Variants in GALNT15 observed in about 807,000 individuals in gnomAD.
GALNT15 encodes polypeptide N-acetylgalactosaminyltransferase 15.
Under a neutral mutation model 66.8 loss-of-function variants are expected in GALNT15, and 67 were observed. The ratio of observed to expected loss-of-function variants is 1.00; its 90% CI spans 0.82 to 1.23. The LOEUF is 1.23. GALNT15 is among the 50% of genes most tolerant of loss of function. The probability of loss-of-function intolerance (pLI) is 0.00; values close to 1 mark genes in which losing one functional copy is unlikely to be tolerated. For missense variants in GALNT15, 827 were observed against 804.3 expected (o/e 1.03, Z -0.34); for synonymous variants, 313 against 311.5 (o/e 1.00, Z -0.05).
In GALNT15 at chr3:16,211,245, T is replaced by A. The variant is rs1255640955; in HGVS notation, c.1197+4T>A. Reference sequence around the variant, plus strand: ...AAACCTCGAACTGTCTTTCAAGGTATGTCCTGGACCAAGGGAGGACAGAGG... The same window carrying A: ...AAACCTCGAACTGTCTTTCAAGGTAAGTCCTGGACCAAGGGAGGACAGAGG... On this transcript the variant is annotated splice_donor_region_variant and intron_variant, in intron 5 of 9. Coordinates refer to ENST00000339732, the MANE Select transcript of GALNT15 (RefSeq NM_054110.5). The surrounding 1 kb of genome is among the most constrained non-coding windows in gnomAD (Gnocchi z 4.3). The A allele has an allele frequency of 6.3e-7, 1 of 1,583,048 alleles. No homozygotes were observed. Among genetic ancestry groups the A allele is most frequent in the Non-Finnish European group, 8.7e-7 (1 of 1,151,692 alleles).
chr3:16,213,666 A>T (rs573321503), intron 6 of GALNT15, among the ~76,000 whole-genome samples: 2 of 152,288 alleles, frequency 1.3e-5, no homozygotes, highest in African/African-American at 4.8e-5. Flanking sequence ...CAAGATTCCC[A>T]GGACCCACAA....
At chr3:16,177,267 GA>G (rs1280583138) in intron 1 of GALNT15, among the ~76,000 whole-genome samples, 3 of 152,244 alleles carry the variant, frequency 2.0e-5, no homozygotes, top group Non-Finnish European at 2.9e-5. Context: ...CCTGGAGCAA[GA>G]GTGAGCATCC....
chr3:16,195,934 C>T lies in GALNT15; in HGVS notation c.706+8C>T, dbSNP rs200199776. On this transcript the variant is annotated splice_region_variant and intron_variant, in intron 2 of 9. Transcript: ENST00000339732. This position sits in a 1 kb window ranked among gnomAD's most constrained non-coding sequence, Gnocchi z 4.6. ...ACGACCTCAGCCAGCAAGGTAGCCA[C>T]GGCTTTCCTCCAGGCTCGTCTGGGT... 17 of 1,613,724 alleles carry T rather than the reference C, an allele frequency of 1.1e-5. No homozygotes were observed. Among genetic ancestry groups the T allele is most frequent in the South Asian group, 7.7e-5 (7 of 91,018 alleles).
chr3:16,213,887 CT>C (rs2063845192), intron 6 of GALNT15, among the ~76,000 whole-genome samples: 1 of 152,226 alleles, frequency 6.6e-6, no homozygotes, highest in Non-Finnish European at 1.5e-5. Context: ...CCTCCCCATT[CT>C]AGATCCAATC....
Position 16,228,412 on chromosome 3 carries a change from G to C in GALNT15, c.*912G>C, listed in dbSNP as rs2064045865. ...TTCCAGCACTTTGGGAGGCAGAGTT[G>C]GGAGGATCACCTGATGTCAGGGGTT... On this transcript the variant is annotated 3_prime_UTR_variant, in exon 10 of 10. Transcript: ENST00000339732. 3 of 871,362 alleles carry C rather than the reference G, an allele frequency of 3.4e-6. No homozygotes were observed. Among genetic ancestry groups the C allele is most frequent in the Non-Finnish European group, 4.1e-6 (3 of 725,806 alleles). The allele number at this position is 871,362 out of a possible 1,614,324, so 54.0% of individuals were successfully genotyped here.
chr3:16,210,109 A>C (rs2063797328), intron 4 of GALNT15, among the ~76,000 whole-genome samples: 1 of 152,184 alleles, frequency 6.6e-6, no homozygotes, highest in South Asian at 2.1e-4. Context: ...TAACATCAAA[A>C]TCCAGTGAGC....
At chr3:16,238,022 G>A in the GALNT15 span, among the ~76,000 whole-genome samples, 1 of 151,832 alleles carries the variant, frequency 6.6e-6, no homozygotes, top group Non-Finnish European at 1.5e-5. This position sits in a 1 kb window ranked among gnomAD's most constrained non-coding sequence, Gnocchi z 4.8. Flanking sequence ...CTTTAAGGTG[G>A]CTCTTTTCCC....
At chr3:16,210,048 A>T (rs148549152) in intron 4 of GALNT15, among the ~76,000 whole-genome samples, 1 of 152,354 alleles carries the variant, frequency 6.6e-6, no homozygotes, top group East Asian at 1.9e-4. Context: ...AAAATTCTGC[A>T]TTAAAAAGCA....
chr3:16,196,872 G>A (rs114994384), intron 2 of GALNT15, among the ~76,000 whole-genome samples: 66 of 152,252 alleles, frequency 4.3e-4, no homozygotes, highest in African/African-American at 1.5e-3. Context: ...GAGCATTCAC[G>A]TTTTTCTAAG....
At position 16,211,383 on chromosome 3, in the gene GALNT15, C is replaced by G. The variant is rs995891655; in HGVS notation, c.1197+142C>G. 8.3e-6 allele frequency: 5 copies of G among 601,092 alleles called. No homozygotes were observed. The highest frequency in any genetic ancestry group is 1.5e-5 in the Non-Finnish European group (5 of 334,822). 37.2% of individuals were successfully genotyped at this position (601,092 alleles called of 1,614,324 possible). A position where few individuals can be genotyped will look rare whatever the true frequency, so the allele number is the denominator to read the frequency against. ...ATAAAGTCATTCCTGTGTTGTGTGT[C>G]AAACCTCCCATTTCTCACAGTTTCC... is the stretch of plus-strand genomic sequence containing the variant. On this transcript the variant is annotated intron_variant, in intron 5 of 9. Transcript: ENST00000339732. The surrounding 1 kb of genome is among the most constrained non-coding windows in gnomAD (Gnocchi z 4.3).
rs1394691329 is a variant in GALNT15, at chr3:16,195,087, C to T, written c.540-673C>T. The stretch of plus-strand genomic sequence containing the variant: ...AAATAAAGAAAATAGTGTCCCTGAC[C>T]TTGAATGGATGACAGAGATTACTGG... On this transcript the variant is annotated intron_variant, in intron 1 of 9. Coordinates refer to ENST00000339732, the MANE Select transcript of GALNT15 (RefSeq NM_054110.5). The surrounding 1 kb of genome is among the most constrained non-coding windows in gnomAD (Gnocchi z 4.6). 1.3e-5 allele frequency among the ~76,000 whole-genome samples: 2 copies of T among 152,182 alleles called. No individual in the cohort carries two copies. Among genetic ancestry groups the T allele is most frequent in the African/African-American group, 4.8e-5 (2 of 41,440 alleles).
chr3:16,242,924 G>A, the GALNT15 span, among the ~76,000 whole-genome samples: 4 of 152,164 alleles, frequency 2.6e-5, no homozygotes, highest in African/African-American at 9.7e-5. This position sits in a 1 kb window ranked among gnomAD's most constrained non-coding sequence, Gnocchi z 5.6. Flanking sequence ...GGTGATCCCA[G>A]GAAGCAGGAG....
rs1488234866 is a variant in GALNT15 at position 16,183,686 on chromosome 3, G to A, written c.539+7996G>A. ...GGCTGAGATAGAGAAGCCTATCCGA[G>A]TGGGGCGCCTCCACTGATTTGATAG... On this transcript the variant is annotated intron_variant, in intron 1 of 9. Coordinates refer to ENST00000339732, the MANE Select transcript of GALNT15 (RefSeq NM_054110.5). The surrounding 1 kb of genome is among the most constrained non-coding windows in gnomAD (Gnocchi z 5.2). Among the ~76,000 whole-genome samples, 5 of 152,148 alleles carry A rather than the reference G, an allele frequency of 3.3e-5. No individual in the cohort carries two copies. Among genetic ancestry groups the A allele is most frequent in the Admixed American group, 6.5e-5 (1 of 15,280 alleles).
intron 8 of GALNT15, among the ~76,000 whole-genome samples, chr3:16,222,368 AAC>A (rs1419371642): frequency 2.0e-5 from 3 of 152,204 alleles, no homozygotes; most frequent in African/African-American, 7.2e-5. Flanking sequence ...TAAATAACGT[AAC>A]AGAGAAACAT....
the GALNT15 span, among the ~76,000 whole-genome samples, chr3:16,241,652 G>A: frequency 2.0e-4 from 31 of 152,104 alleles, no homozygotes; most frequent in East Asian, 5.8e-4. The surrounding 1 kb of genome is among the most constrained non-coding windows in gnomAD (Gnocchi z 4.6). Flanking sequence ...GGGTTCAAGC[G>A]ATTCTGCCGC....
chr3:16,207,415 G>C (rs2063767789), intron 3 of GALNT15, among the ~76,000 whole-genome samples: 1 of 146,590 alleles, frequency 6.8e-6, no homozygotes, highest in Non-Finnish European at 1.5e-5. Context: ...CAGCTCCTGG[G>C]ACACCTGAGT....
chr3:16,227,681 C>A lies in GALNT15; in HGVS notation c.*181C>A. On this transcript the variant is annotated 3_prime_UTR_variant, in exon 10 of 10. Coordinates refer to ENST00000339732, the MANE Select transcript of GALNT15 (RefSeq NM_054110.5). This position sits in a 1 kb window ranked among gnomAD's most constrained non-coding sequence, Gnocchi z 4.5. ...TCCTTTTCACACCTTATTTCATTGA[C>A]TGCTGGCTGCTTTAAAAAAAAAAAA... 7.2e-7 allele frequency: 1 copy of A among 1,393,498 alleles called. No homozygotes were observed. Among genetic ancestry groups the A allele is most frequent in the Non-Finnish European group, 9.2e-7 (1 of 1,084,896 alleles). 86.3% of individuals were successfully genotyped at this position (1,393,498 alleles called of 1,614,324 possible).
chr3:16,199,621 T>C (rs1323984156), intron 2 of GALNT15, among the ~76,000 whole-genome samples: 1 of 145,418 alleles, frequency 6.9e-6, no homozygotes, highest in Middle Eastern at 3.3e-3. Context: ...GAGTGAGTGA[T>C]ACAGAAGAGA....
intron 1 of GALNT15, among the ~76,000 whole-genome samples, chr3:16,190,470 C>T (rs139383337): frequency 1.3e-5 from 2 of 152,180 alleles, no homozygotes; most frequent in East Asian, 1.9e-4. Context: ...AACCCCGTCT[C>T]TACTAAAAAT....
Sources: allele counts gnomAD v4.1 joint callset (sites outside exome capture counted in the v4.1 genomes callset), GRCh38; gene constraint gnomAD v4.1.1; non-coding constraint Gnocchi (gnomAD v3.1); transcripts MANE v1.5; gene names NCBI Gene and HGNC (gene_info 2026-07-23, HGNC 2026-07-21).